The following ETF1 variants were observed in gnomAD, a reference collection of about 807,000 sequenced individuals.
The protein encoded by ETF1 is eukaryotic peptide chain release factor subunit 1.
A neutral mutation model predicts 55.1 loss-of-function variants in ETF1; 4 were observed. The ratio of observed to expected loss-of-function variants is 0.07; its 90% CI spans 0.04 to 0.17. ETF1 has a LOEUF of 0.17. Among genes scored for constraint, ETF1 ranks in the 10% least tolerant of loss-of-function variants. The pLI, the probability that ETF1 is intolerant of heterozygous loss-of-function variation, is 1.00. For missense variants in ETF1, 142 were observed against 523.6 expected (o/e 0.27, Z 7.11); for synonymous variants, 157 against 182.3 (o/e 0.86, Z 1.12).
At chr5:138,514,443 C>CAGCT (rs1204755867) in intron 4 of ETF1, among the ~76,000 whole-genome samples, 2 of 152,082 alleles carry the variant, frequency 1.3e-5, no homozygotes, top group Non-Finnish European at 2.9e-5. Context: ...TAGTCCCTAC[C>CAGCT]AGCTACTTGG....
chr5:138,513,914 G>A (rs1430568118), intron 4 of ETF1: 2 of 868,660 alleles, frequency 2.3e-6, no homozygotes, highest in East Asian at 2.4e-4. Context: ...AATAACGAAT[G>A]ATATCTATGT....
intron 2 of ETF1, among the ~76,000 whole-genome samples, chr5:138,540,004 T>G (rs1428065332): frequency 6.6e-6 from 1 of 152,188 alleles, no homozygotes; most frequent in East Asian, 1.9e-4. Context: ...AGTATGTGCT[T>G]AATAAATTAT....
rs779555634 is a variant in ETF1 at position 138,511,470 on chromosome 5, G to A, written c.862+5C>T. ...ACAGAATAAGTAGTTGCATTTCACC[G>A]ATACCTATTAATTTCTTCTCTTGAA... On this transcript the variant is annotated splice_donor_5th_base_variant and intron_variant, in intron 7 of 10. Transcript: ENST00000360541. 8 of 1,611,790 alleles carry A rather than the reference G, an allele frequency of 5.0e-6. No homozygotes were observed. In the African/African-American group the frequency reaches 8.1e-5, roughly 16 times the overall value.
chr5:138,511,071 T>C lies in ETF1; in HGVS notation c.992A>G (p.Tyr331Cys). 6.2e-7 allele frequency: 1 copy of C among 1,613,804 alleles called. No homozygotes were observed. The highest frequency in any genetic ancestry group is 8.5e-7 in the Non-Finnish European group (1 of 1,179,728). ...IVYENLDIMR[Y>C]VLHCQGTEEE... Reference sequence around the variant, plus strand: ...TTCTGTGCCTTGGCAATGAAGAACATATCTCATTATATCCAGATTTTCATA... The same window carrying C: ...TTCTGTGCCTTGGCAATGAAGAACACATCTCATTATATCCAGATTTTCATA... Residue 331 changes from tyrosine (Y) to cysteine (C), a missense_variant, in exon 8 of 11, where the codon TAT becomes TGT. By Grantham distance (194) the Tyr-to-Cys change is radical. Transcript: ENST00000360541.
At chr5:138,523,612 A>G (rs1765330788) in intron 2 of ETF1, among the ~76,000 whole-genome samples, 1 of 152,164 alleles carries the variant, frequency 6.6e-6, no homozygotes, top group African/African-American at 2.4e-5. Context: ...ACAAAGGTAG[A>G]TTAGTGGTTG....
At chr5:138,543,058 G>A in intron 1 of ETF1, 39 bp downstream of exon 1, 2 of 826,320 alleles carry the variant, frequency 2.4e-6, no homozygotes, top group East Asian at 2.7e-5. Context: ...GGTGCAGCTC[G>A]CCACAAAGGT....
At chr5:138,511,408 A>G in intron 7 of ETF1, 67 bp downstream of exon 7, 7 of 1,545,128 alleles carry the variant, frequency 4.5e-6, no homozygotes, top group Non-Finnish European at 6.1e-6. Context: ...ACACATACAC[A>G]CACACACACA....
At chr5:138,541,586 G>C (rs1403927633) in intron 2 of ETF1, 1 of 1,533,020 alleles carries the variant, frequency 6.5e-7, no homozygotes, top group African/African-American at 1.4e-5. Flanking sequence ...TGAAGAGCTT[G>C]GAGGGGCTGT....
In ETF1 at chr5:138,530,102, G is replaced by GTTTGCATACCTCCCAGCCCTGAATCCT. The variant is rs762050114; in HGVS notation, c.87-11262_87-11236dup. 1.8e-3 allele frequency among the ~76,000 whole-genome samples: 278 copies of GTTTGCATACCTCCCAGCCCTGAATCCT among 152,218 alleles called. 1 individual carries two copies. Among genetic ancestry groups the GTTTGCATACCTCCCAGCCCTGAATCCT allele is most frequent in the Non-Finnish European group, 2.7e-3 (182 of 68,016 alleles). On this transcript the variant is annotated intron_variant, in intron 2 of 10. Transcript: ENST00000360541. Reference sequence around the variant, plus strand: ...ATCAACAATGCTCAAGAACACTTCAGTTTGCATACCTCCCAGCCCTGAATC... The same window carrying GTTTGCATACCTCCCAGCCCTGAATCCT: ...ATCAACAATGCTCAAGAACACTTCAGTTTGCATACCTCCCAGCCCTGAATCCTTTTGCATACCTCCCAGCCCTGAATC...
chr5:138,525,943 TAAAAA>T (rs35058160), intron 2 of ETF1, among the ~76,000 whole-genome samples: 1 of 133,808 alleles, frequency 7.5e-6, no homozygotes, highest in Non-Finnish European at 1.6e-5. Flanking sequence ...AGACTCTGTT[TAAAAA>T]AAAAAAAAAA....
intron 8 of ETF1, 137 bp from the exon 9 acceptor site, chr5:138,510,766 T>C (rs1764743854): frequency 2.4e-6 from 3 of 1,239,848 alleles, no homozygotes; most frequent in Non-Finnish European, 3.3e-6. Flanking sequence ...CATGTTAGCA[T>C]ACACTGAGTG....
rs1274498740 is a variant in ETF1 at position 138,506,814 on chromosome 5, A to G, written c.*1491T>C. 1 of 152,684 alleles carries G rather than the reference A, an allele frequency of 6.5e-6. No homozygotes were observed. The highest frequency in any genetic ancestry group is 6.5e-5 in the Admixed American group (1 of 15,292). 9.5% of individuals were successfully genotyped at this position (152,684 alleles called of 1,614,324 possible). On this transcript the variant is annotated 3_prime_UTR_variant, in exon 11 of 11. Coordinates refer to ENST00000360541, the MANE Select transcript of ETF1 (RefSeq NM_004730.4). ...GGAGCTGGTTCAGACCAATAAAGCT[A>G]CGAGTGACTGAATCAAGTCAGTAAA...
chr5:138,512,676 A>G (rs1186705672), intron 6 of ETF1, 88 bp downstream of exon 6: 2 of 1,230,216 alleles, frequency 1.6e-6, no homozygotes, highest in Middle Eastern at 2.8e-4. Flanking sequence ...GGAATTTTAA[A>G]AAGATGTGTC....
intron 2 of ETF1, among the ~76,000 whole-genome samples, chr5:138,529,901 C>T (rs1765625086): frequency 6.6e-6 from 1 of 152,114 alleles, no homozygotes; most frequent in Non-Finnish European, 1.5e-5. Flanking sequence ...CACCACCACG[C>T]TCAGCTAATT....
chr5:138,536,186 G>A (rs1765921608), intron 2 of ETF1, among the ~76,000 whole-genome samples: 1 of 152,134 alleles, frequency 6.6e-6, no homozygotes, highest in Admixed American at 6.6e-5. Flanking sequence ...TAAGGTCACA[G>A]ACACAGCAGG....
rs1185985232 is a variant in ETF1 at position 138,512,254 on chromosome 5, ATATATTTTTTTTTTT to A, written c.732+495_732+509del. On this transcript the variant is annotated intron_variant, in intron 6 of 10. Coordinates refer to ENST00000360541, the MANE Select transcript of ETF1 (RefSeq NM_004730.4). Reference sequence around the variant, plus strand: ...TATATATATATATATATATATATATATATATTTTTTTTTTTTTTTAAAGGCAATTTCTTTGGTGGA... The same window carrying A: ...TATATATATATATATATATATATATATTTTAAAGGCAATTTCTTTGGTGGA... 5.0e-4 allele frequency among the ~76,000 whole-genome samples: 9 copies of A among 17,920 alleles called. No individual in the cohort carries two copies. In the East Asian group the frequency reaches 0.013, roughly 26 times the overall value. The allele number at this position is 17,920 out of a possible 152,430, so 11.8% of individuals were successfully genotyped here. A position where few individuals can be genotyped will look rare whatever the true frequency, so the allele number is the denominator to read the frequency against.
At chr5:138,531,405 T>C (rs778702418) in intron 2 of ETF1, among the ~76,000 whole-genome samples, 3 of 151,546 alleles carry the variant, frequency 2.0e-5, no homozygotes, top group Non-Finnish European at 2.9e-5. Flanking sequence ...AAAACAAAAA[T>C]CAAAAAACCC....
intron 4 of ETF1, among the ~76,000 whole-genome samples, chr5:138,515,329 G>A (rs909836273): frequency 2.0e-5 from 3 of 152,200 alleles, no homozygotes; most frequent in Non-Finnish European, 2.9e-5. Context: ...GGAGGCTGAG[G>A]CAGGACAATC....
chr5:138,516,346 C>T (rs1399602418), intron 4 of ETF1, among the ~76,000 whole-genome samples: 1 of 150,134 alleles, frequency 6.7e-6, no homozygotes, highest in African/African-American at 2.4e-5. Context: ...CCCATATACA[C>T]CTACTATGTA....
Sources: allele counts gnomAD v4.1 joint callset (sites outside exome capture counted in the v4.1 genomes callset), GRCh38; gene constraint gnomAD v4.1.1; transcripts MANE v1.5; gene names NCBI Gene and HGNC (gene_info 2026-07-23, HGNC 2026-07-21).